HGSNAT: variants seen among roughly 807,000 people sequenced by gnomAD.
HGSNAT encodes the protein transmembrane protein 76.
Under a neutral mutation model 85.2 loss-of-function variants are expected in HGSNAT, and 59 were observed. The observed-to-expected ratio is 0.69, with a 90% CI of 0.56 to 0.86. The LOEUF is 0.86. Ranked by LOEUF, HGSNAT falls within the 40% of genes least tolerant of loss-of-function variation. The pLI is 0.00. For synonymous variants in HGSNAT, 321 were observed against 304.5 expected (o/e 1.05, Z -0.56); for missense variants, 756 against 777.1 (o/e 0.97, Z 0.32).
In HGSNAT at chr8:43,140,533, C is replaced by T. The variant is rs2130647858; in HGVS notation, c.37C>T (p.Leu13=). ...GAGRALAALL[L]AASVLSAALL... Reference sequence around the variant, plus strand: ...GGGCAGGGCGCTGGCCGCGCTGCTGCTGGCCGCGTCCGTGCTGAGCGCCGC... The same window carrying T: ...GGGCAGGGCGCTGGCCGCGCTGCTGTTGGCCGCGTCCGTGCTGAGCGCCGC... Residue 13 remains leucine, a synonymous_variant, in exon 1 of 18, where the codon CTG becomes TTG. Coordinates refer to ENST00000379644, the MANE Select transcript of HGSNAT (RefSeq NM_152419.3). The T allele has an allele frequency of 1.8e-6, 2 of 1,129,246 alleles. No individual in the cohort carries two copies. The highest frequency in any genetic ancestry group is 5.0e-5 in the Admixed American group (1 of 20,110). The allele number at this position is 1,129,246 out of a possible 1,614,324, so 70.0% of individuals were successfully genotyped here.
In HGSNAT at chr8:43,172,300, C is replaced by T. The variant is rs1803651376; in HGVS notation, c.744-10C>T. The T allele has an allele frequency of 1.9e-6, 3 of 1,603,152 alleles. No homozygotes were observed. The highest frequency in any genetic ancestry group is 2.2e-5 in the East Asian group (1 of 44,814). ...ACCCTGAAAGGCTTCTCTTTGTTGGCTTCTTCTAGGATTGCTCTTATACTC... is the reference window on the plus strand; with the variant it reads ...ACCCTGAAAGGCTTCTCTTTGTTGGTTTCTTCTAGGATTGCTCTTATACTC... On this transcript the variant is annotated splice_polypyrimidine_tract_variant and intron_variant, in intron 7 of 17. Coordinates refer to ENST00000379644, the MANE Select transcript of HGSNAT (RefSeq NM_152419.3).
rs1269627500 is a variant in HGSNAT, at chr8:43,159,055, G to A, written c.493+11G>A. The A allele has an allele frequency of 2.5e-6, 4 of 1,603,278 alleles. No homozygotes were observed. The highest frequency in any genetic ancestry group is 3.4e-6 in the Non-Finnish European group (4 of 1,175,824). On this transcript the variant is annotated intron_variant, in intron 4 of 17. Transcript: ENST00000379644. ...TTGATAGTAACCTTCGTACGTATAT[G>A]TTCTCTGCTGATTTTCACATTTGCA...
intron 12 of HGSNAT, 83 bp from the exon 13 acceptor site, chr8:43,192,221 C>T: frequency 2.0e-6 from 3 of 1,476,830 alleles, no homozygotes; most frequent in Non-Finnish European, 2.7e-6. Context: ...AGCCACCGTG[C>T]CCGGCCTGAG....
At chr8:43,180,052 G>T (rs1197990457) in intron 10 of HGSNAT, among the ~76,000 whole-genome samples, 1 of 123,878 alleles carries the variant, frequency 8.1e-6, no homozygotes, top group African/African-American at 3.4e-5. Flanking sequence ...GCGGCTGGCC[G>T]GGCGGGGGGC....
chr8:43,142,189 A>G (rs1046083909), intron 1 of HGSNAT, among the ~76,000 whole-genome samples: 6 of 152,230 alleles, frequency 3.9e-5, no homozygotes, highest in African/African-American at 9.6e-5. Flanking sequence ...GTAATACACA[A>G]GCAGCACATT....
chr8:43,144,986 A>G lies in HGSNAT; in HGVS notation c.119-1962A>G, dbSNP rs554851011. On this transcript the variant is annotated intron_variant, in intron 1 of 17. Transcript: ENST00000379644. Reference sequence around the variant, plus strand: ...GGAAGTGCTGGCATTATGAAGTTCAAACAGCACCACTGGTAAATGAAGTTC... The same window carrying G: ...GGAAGTGCTGGCATTATGAAGTTCAGACAGCACCACTGGTAAATGAAGTTC... Among the ~76,000 whole-genome samples, 8 of 152,286 alleles carry G rather than the reference A, an allele frequency of 5.3e-5. No individual in the cohort carries two copies. The South Asian group carries it at 1.7e-3, about 32-fold the overall frequency.
chr8:43,182,308 A>AAATGTATTG, intron 11 of HGSNAT, 48 bp downstream of exon 11: 1 of 1,409,840 alleles, frequency 7.1e-7, no homozygotes, highest in African/African-American at 1.4e-5. Context: ...AAATTAAAAA[A>AAATGTATTG]AATGTATTGT....
At chr8:43,193,964 A>G in intron 14 of HGSNAT, 121 bp downstream of exon 14, 2 of 1,472,674 alleles carry the variant, frequency 1.4e-6, no homozygotes, top group Non-Finnish European at 1.8e-6. Flanking sequence ...TGGGCCTAAT[A>G]TATTCTGTTA....
intron 11 of HGSNAT, among the ~76,000 whole-genome samples, chr8:43,189,576 C>G (rs1365916099): frequency 6.6e-6 from 1 of 152,180 alleles, no homozygotes; most frequent in Non-Finnish European, 1.5e-5. Flanking sequence ...CGACCTCTTG[C>G]ACTTGGGGTG....
chr8:43,150,527 G>T (rs915954782), intron 2 of HGSNAT, among the ~76,000 whole-genome samples: 1 of 150,930 alleles, frequency 6.6e-6, no homozygotes, highest in African/African-American at 2.4e-5. Context: ...AAAAGATATT[G>T]TGAGTATTTA....
At chr8:43,183,254 C>T (rs2130786044) in intron 11 of HGSNAT, among the ~76,000 whole-genome samples, 1 of 152,226 alleles carries the variant, frequency 6.6e-6, no homozygotes, top group East Asian at 1.9e-4. Context: ...GTTGCCTTAA[C>T]CTCCCAGGCT....
intron 14 of HGSNAT, chr8:43,194,117 C>G (rs1804632746): frequency 8.4e-6 from 10 of 1,197,140 alleles, no homozygotes; most frequent in African/African-American, 1.6e-5. Context: ...GTTTCCCTTG[C>G]CAAGCTGCAG....
chr8:43,200,296 T>G lies in HGSNAT; in HGVS notation c.*727T>G, dbSNP rs1385464327. On this transcript the variant is annotated 3_prime_UTR_variant, in exon 18 of 18. Coordinates refer to ENST00000379644, the MANE Select transcript of HGSNAT (RefSeq NM_152419.3). ...GGCAGCCGCTGCCCAGGGGAGTGGC[T>G]GTGGGGAGGGCAGGTACTGTCTTTG... 6.6e-6 allele frequency: 1 copy of G among 152,242 alleles called. No individual in the cohort carries two copies. The highest frequency in any genetic ancestry group is 2.4e-5 in the African/African-American group (1 of 41,446). The allele number at this position is 152,242 out of a possible 1,614,324, so 9.4% of individuals were successfully genotyped here.
intron 14 of HGSNAT, among the ~76,000 whole-genome samples, chr8:43,195,283 C>G (rs1804666471): frequency 1.3e-5 from 2 of 151,924 alleles, no homozygotes; most frequent in African/African-American, 2.4e-5. Flanking sequence ...CAAAGCCTTA[C>G]CAATAACATC....
At chr8:43,144,196 G>T (rs748005271) in intron 1 of HGSNAT, among the ~76,000 whole-genome samples, 1 of 151,708 alleles carries the variant, frequency 6.6e-6, no homozygotes, top group Admixed American at 6.6e-5. Flanking sequence ...GTGCTGGCAT[G>T]CCCCTGTAGT....
In HGSNAT at chr8:43,142,116, C is replaced by A. The variant is rs1399217391; in HGVS notation, c.118+1502C>A. On this transcript the variant is annotated intron_variant, in intron 1 of 17. Coordinates refer to ENST00000379644, the MANE Select transcript of HGSNAT (RefSeq NM_152419.3). ...ACTATGTCTTTAAAAATATGCCCAG[C>A]AAAGATAACTCACGAGCAGAGAGCT... 2.6e-5 allele frequency among the ~76,000 whole-genome samples: 4 copies of A among 152,000 alleles called. No homozygotes were observed. In the East Asian group the frequency reaches 7.7e-4, roughly 29 times the overall value.
intron 15 of HGSNAT, chr8:43,197,409 G>T: frequency 1.8e-6 from 1 of 552,968 alleles, no homozygotes; most frequent in East Asian, 3.0e-5. Context: ...CCTGACCGCA[G>T]CCATGCCTCC....
chr8:43,169,553 TAA>T (rs910870558), intron 6 of HGSNAT, among the ~76,000 whole-genome samples: 6 of 152,188 alleles, frequency 3.9e-5, no homozygotes, highest in African/African-American at 1.4e-4. Context: ...AACAAAGAAA[TAA>T]GAGACAACAA....
chr8:43,141,044 G>T (rs1802510790), intron 1 of HGSNAT, among the ~76,000 whole-genome samples: 1 of 152,218 alleles, frequency 6.6e-6, no homozygotes, highest in African/African-American at 2.4e-5. Context: ...TTAGAGCAGG[G>T]TCCCTTCCCT....
Sources: allele counts gnomAD v4.1 joint callset (sites outside exome capture counted in the v4.1 genomes callset), GRCh38; gene constraint gnomAD v4.1.1; transcripts MANE v1.5; gene names NCBI Gene and HGNC (gene_info 2026-07-23, HGNC 2026-07-21).